The following ATP1A1 variants were observed in gnomAD, a reference collection of about 807,000 sequenced individuals.
ATP1A1 encodes sodium/potassium-transporting ATPase subunit alpha-1.
A neutral mutation model predicts 114.8 loss-of-function variants in ATP1A1; 14 were observed. That is an observed-to-expected ratio of 0.12 (90% confidence interval 0.08 to 0.19). The LOEUF (loss-of-function observed/expected upper bound fraction) is 0.19, where lower values mean the gene tolerates loss of function less well. ATP1A1 is among the 10% of genes least tolerant of loss of function. The pLI, the probability that ATP1A1 is intolerant of heterozygous loss-of-function variation, is 1.00. For missense variants in ATP1A1, 524 were observed against 1,290.7 expected, an observed-to-expected ratio of 0.41 and a Z score of 9.10; for synonymous variants, 471 against 466.3, an observed-to-expected ratio of 1.01 and a Z score of -0.13.
In ATP1A1 at chr1:116,384,698, T is replaced by C. The variant is rs1336502022; in HGVS notation, c.124-85T>C. On this transcript the variant is annotated intron_variant, in intron 2 of 22. Coordinates refer to ENST00000295598, the MANE Select transcript of ATP1A1 (RefSeq NM_000701.8). The surrounding 1 kb of genome is among the most constrained non-coding windows in gnomAD (Gnocchi z 5.1). ...TCTGCACTTTGTTTAATAAGCTTAA[T>C]GATAGTAATGAATAATGCTATTTTT... 5 of 1,178,490 alleles carry C rather than the reference T, an allele frequency of 4.2e-6. No individual in the cohort carries two copies. The East Asian group carries it at 9.7e-5, about 23-fold the overall frequency. 73.0% of individuals were successfully genotyped at this position (1,178,490 alleles called of 1,614,324 possible). A position where few individuals can be genotyped will look rare whatever the true frequency, so the allele number is the denominator to read the frequency against.
In ATP1A1 at chr1:116,388,898, A is replaced by G. The variant is rs781558380; in HGVS notation, c.637-4A>G. Reference sequence around the variant, plus strand: ...GACATTTTTCTTCTTTTCCTCACATATAGGTGGATAACTCCTCGCTCACTG... The same window carrying G: ...GACATTTTTCTTCTTTTCCTCACATGTAGGTGGATAACTCCTCGCTCACTG... On this transcript the variant is annotated splice_region_variant and splice_polypyrimidine_tract_variant and intron_variant, in intron 6 of 22. Coordinates refer to ENST00000295598, the MANE Select transcript of ATP1A1 (RefSeq NM_000701.8). This position sits in a 1 kb window ranked among gnomAD's most constrained non-coding sequence, Gnocchi z 5.6. 15 of 1,613,904 alleles carry G rather than the reference A, an allele frequency of 9.3e-6. No individual in the cohort carries two copies. Among genetic ancestry groups the G allele is most frequent in the Non-Finnish European group, 1.3e-5 (15 of 1,179,930 alleles).
intron 1 of ATP1A1, among the ~76,000 whole-genome samples, chr1:116,377,719 C>T (rs1437358731): frequency 6.6e-6 from 1 of 152,214 alleles, no homozygotes; most frequent in Non-Finnish European, 1.5e-5. Flanking sequence ...CTGCCGAGGG[C>T]TCTCTGCCAG....
chr1:116,373,799 G>C, intron 1 of ATP1A1: 1 of 1,207,696 alleles, frequency 8.3e-7, no homozygotes, highest in Non-Finnish European at 1.0e-6. Context: ...CGCCCCGGAG[G>C]CCGAGCGGGC....
intron 12 of ATP1A1, among the ~76,000 whole-genome samples, 160 bp from the exon 13 acceptor site, chr1:116,394,950 A>G (rs1652785937): frequency 6.6e-6 from 1 of 152,186 alleles, no homozygotes; most frequent in African/African-American, 2.4e-5. Context: ...ATCGTTCATA[A>G]ATGTTAAATA....
chr1:116,403,821 T>A, intron 21 of ATP1A1, 63 bp from the exon 22 acceptor site: 1 of 1,418,524 alleles, frequency 7.0e-7, no homozygotes. Flanking sequence ...GATGTGCAAT[T>A]TCTCTTTCTT....
rs546774454 is a variant in ATP1A1 at position 116,397,267 on chromosome 1, C to T, written c.1973+533C>T. 3.3e-5 allele frequency among the ~76,000 whole-genome samples: 5 copies of T among 152,162 alleles called. No homozygotes were observed. The highest frequency in any genetic ancestry group is 7.3e-5 in the Non-Finnish European group (5 of 68,034). On this transcript the variant is annotated intron_variant, in intron 14 of 22. Transcript: ENST00000295598. The surrounding 1 kb of genome is among the most constrained non-coding windows in gnomAD (Gnocchi z 4.2). Reference sequence around the variant, plus strand: ...TTTAGGGCCCTTTCACCCTATGTTACGGTTAGAGGAGGGTTTGGTCTTGTA... The same window carrying T: ...TTTAGGGCCCTTTCACCCTATGTTATGGTTAGAGGAGGGTTTGGTCTTGTA...
chr1:116,397,289 T>C lies in ATP1A1; in HGVS notation c.1973+555T>C, dbSNP rs1164757023. On this transcript the variant is annotated intron_variant, in intron 14 of 22. Transcript: ENST00000295598. The surrounding 1 kb of genome is among the most constrained non-coding windows in gnomAD (Gnocchi z 4.2). ...TTACGGTTAGAGGAGGGTTTGGTCT[T>C]GTATCAGCTCTGCCACTTTCTAAAA... Among the ~76,000 whole-genome samples, 2 of 152,186 alleles carry C rather than the reference T, an allele frequency of 1.3e-5. No individual in the cohort carries two copies. Among genetic ancestry groups the C allele is most frequent in the Non-Finnish European group, 2.9e-5 (2 of 68,030 alleles).
At chr1:116,403,023 A>G (rs534954754) in intron 21 of ATP1A1, among the ~76,000 whole-genome samples, 2 of 152,322 alleles carry the variant, frequency 1.3e-5, no homozygotes, top group Admixed American at 1.3e-4. Flanking sequence ...AGCTTTCCAA[A>G]AAGGCTGGTG....
At chr1:116,383,297 T>A (rs1651867580) in intron 1 of ATP1A1, 1 of 1,037,294 alleles carries the variant, frequency 9.6e-7, no homozygotes, top group Non-Finnish European at 1.2e-6. Flanking sequence ...TAAGGAGTCT[T>A]AGGCTGACTT....
Position 116,401,508 on chromosome 1 carries a change from C to A in ATP1A1, c.2850-46C>A. ...TAATGCATAGCATTAGAAGATAAAC[C>A]TTTATTTGCACCTTTTAAGTTTTTT... On this transcript the variant is annotated intron_variant, in intron 20 of 22. Coordinates refer to ENST00000295598, the MANE Select transcript of ATP1A1 (RefSeq NM_000701.8). This position sits in a 1 kb window ranked among gnomAD's most constrained non-coding sequence, Gnocchi z 4.7. 1.9e-6 allele frequency: 3 copies of A among 1,587,030 alleles called. No homozygotes were observed. The highest frequency in any genetic ancestry group is 2.6e-6 in the Non-Finnish European group (3 of 1,156,180).
chr1:116,395,463 G>A lies in ATP1A1; in HGVS notation c.1836+178G>A, dbSNP rs74111870. On this transcript the variant is annotated intron_variant, in intron 13 of 22. Coordinates refer to ENST00000295598, the MANE Select transcript of ATP1A1 (RefSeq NM_000701.8). The surrounding 1 kb of genome is among the most constrained non-coding windows in gnomAD (Gnocchi z 6.4). ...GACCAGATAGTATTAAAATATGATG[G>A]TGTAAACACACGAGGAATTAAAAAT... Among the ~76,000 whole-genome samples, 16,865 of 152,064 alleles carry A rather than the reference G, an allele frequency of 0.11. 2,775 individuals carry two copies. The highest frequency in any genetic ancestry group is 0.36 in the African/African-American group (14,769 of 41,410).
chr1:116,387,211 C>T lies in ATP1A1; in HGVS notation c.184-77C>T, dbSNP rs575368012. On this transcript the variant is annotated intron_variant, in intron 3 of 22. Transcript: ENST00000295598. This position sits in a 1 kb window ranked among gnomAD's most constrained non-coding sequence, Gnocchi z 6.7. ...TTCTTCCTTAAATCCTTATTGCAAC[C>T]GTCCAGCTACCAGGTAGGTATATTG... 2.5e-5 allele frequency: 38 copies of T among 1,525,366 alleles called. No individual in the cohort carries two copies. Among genetic ancestry groups the T allele is most frequent in the Middle Eastern group, 4.6e-4 (2 of 4,340 alleles). The allele number at this position is 1,525,366 out of a possible 1,614,324, so 94.5% of individuals were successfully genotyped here.
rs1653251476 is a variant in ATP1A1 at position 116,399,610 on chromosome 1, G to C, written c.2572+67G>C. ...ATCTGAGGTGATGGTGTCCACCTCA[G>C]GTTGAGGTTGATTTCAGAGACTGCA... is the stretch of plus-strand genomic sequence containing the variant. On this transcript the variant is annotated intron_variant, in intron 18 of 22. Transcript: ENST00000295598. The surrounding 1 kb of genome is among the most constrained non-coding windows in gnomAD (Gnocchi z 5.0). 5.6e-6 allele frequency: 9 copies of C among 1,593,534 alleles called. No homozygotes were observed. The South Asian group carries it at 1.0e-4, about 18-fold the overall frequency.
chr1:116,393,458 G>T lies in ATP1A1; in HGVS notation c.1468-73G>T. 1 of 1,472,958 alleles carries T rather than the reference G, an allele frequency of 6.8e-7. No homozygotes were observed. Among genetic ancestry groups the T allele is most frequent in the Non-Finnish European group, 9.2e-7 (1 of 1,088,972 alleles). 91.2% of individuals were successfully genotyped at this position (1,472,958 alleles called of 1,614,324 possible). On this transcript the variant is annotated intron_variant, in intron 11 of 22. Transcript: ENST00000295598. The surrounding 1 kb of genome is among the most constrained non-coding windows in gnomAD (Gnocchi z 5.0). ...TTATAGCAAATACTAAATAGTAAGT[G>T]AAGCTTTGTTTTCCACCATGGACTG...
chr1:116,399,702 C>T lies in ATP1A1; in HGVS notation c.2572+159C>T, dbSNP rs572774640. 2.6e-5 allele frequency among the ~76,000 whole-genome samples: 4 copies of T among 152,334 alleles called. No homozygotes were observed. The highest frequency in any genetic ancestry group is 7.2e-5 in the African/African-American group (3 of 41,578). The stretch of plus-strand genomic sequence containing the variant: ...TGAGCCTGTGGAGTTTCTCTGAACT[C>T]TCTTCCATGTGAGAATACATCTGTT... On this transcript the variant is annotated intron_variant, in intron 18 of 22. Transcript: ENST00000295598. This position sits in a 1 kb window ranked among gnomAD's most constrained non-coding sequence, Gnocchi z 5.0.
At chr1:116,378,190 A>T (rs1424787946) in intron 1 of ATP1A1, among the ~76,000 whole-genome samples, 1 of 152,130 alleles carries the variant, frequency 6.6e-6, no homozygotes, top group Non-Finnish European at 1.5e-5. Flanking sequence ...TTCACCCTAC[A>T]CTTTCTCTTT....
chr1:116,393,554 C>T lies in ATP1A1; in HGVS notation c.1491C>T (p.Asn497=), dbSNP rs372221522. Residue 497 remains asparagine, a synonymous_variant, in exon 12 of 23, where the codon AAC becomes AAT. Transcript: ENST00000295598. This position sits in a 1 kb window ranked among gnomAD's most constrained non-coding sequence, Gnocchi z 5.0. ...KYQLSIHKNP[N]TSEPQHLLVM... ...AGTTGTCTATTCATAAGAACCCCAA[C>T]ACATCGGAGCCCCAACACCTGTTGG... The T allele has an allele frequency of 2.2e-5, 35 of 1,613,872 alleles. No homozygotes were observed. Among genetic ancestry groups the T allele is most frequent in the African/African-American group, 4.0e-5 (3 of 75,024 alleles).
intron 21 of ATP1A1, chr1:116,402,018 T>G (rs1236833082): frequency 9.5e-6 from 2 of 211,310 alleles, no homozygotes; most frequent in Admixed American, 1.1e-4. Context: ...CAGGCTCAAA[T>G]CTTGATTTGC....
rs116412562 is a variant in ATP1A1, at chr1:116,399,109, C to T, written c.2448+25C>T. 5 of 1,613,724 alleles carry T rather than the reference C, an allele frequency of 3.1e-6. No individual in the cohort carries two copies. The South Asian group carries it at 3.3e-5, about 11-fold the overall frequency. On this transcript the variant is annotated intron_variant, in intron 17 of 22. Coordinates refer to ENST00000295598, the MANE Select transcript of ATP1A1 (RefSeq NM_000701.8). The surrounding 1 kb of genome is among the most constrained non-coding windows in gnomAD (Gnocchi z 5.0). Reference sequence around the variant, plus strand: ...GGTGAGTGTCACAACAGTCACAGATCGATAGTAGTGAGGTGTGAGCTGTGT... The same window carrying T: ...GGTGAGTGTCACAACAGTCACAGATTGATAGTAGTGAGGTGTGAGCTGTGT...
Sources: allele counts gnomAD v4.1 joint callset (sites outside exome capture counted in the v4.1 genomes callset), GRCh38; gene constraint gnomAD v4.1.1; non-coding constraint Gnocchi (gnomAD v3.1); transcripts MANE v1.5; gene names NCBI Gene and HGNC (gene_info 2026-07-23, HGNC 2026-07-21).